Variants in CCDC60 observed in about 807,000 individuals in gnomAD.
CCDC60 encodes coiled-coil domain-containing protein 60.
In CCDC60, 54 loss-of-function variants were observed where a neutral mutation model predicts 63.5. The observed-to-expected ratio is 0.85, with a 90% CI of 0.68 to 1.07. CCDC60 has a LOEUF of 1.07. Among genes scored for constraint, CCDC60 ranks in the 50% least tolerant of loss-of-function variants. The pLI, the probability that CCDC60 is intolerant of heterozygous loss-of-function variation, is 0.00. For missense variants in CCDC60, 651 were observed against 684.3 expected (o/e 0.95, Z 0.54); for synonymous variants, 206 against 238.8 (o/e 0.86, Z 1.27).
chr12:119,511,138 C>T (rs944041641), intron 7 of CCDC60, among the ~76,000 whole-genome samples: 2 of 152,126 alleles, frequency 1.3e-5, no homozygotes, highest in Admixed American at 6.5e-5. Flanking sequence ...CTACTTTAGC[C>T]TCCCAAACCT....
At chr12:119,528,783 A>G in intron 12 of CCDC60, 37 bp downstream of exon 12, 1 of 1,599,822 alleles carries the variant, frequency 6.3e-7, no homozygotes, top group Non-Finnish European at 8.5e-7. Flanking sequence ...TGGTCCCTGG[A>G]AGAGAACAGG....
chr12:119,483,243 C>T (rs1179246462), intron 4 of CCDC60, among the ~76,000 whole-genome samples: 1 of 152,214 alleles, frequency 6.6e-6, no homozygotes, highest in Non-Finnish European at 1.5e-5. Flanking sequence ...ATCAGTCTAC[C>T]AAAAGGCACC....
chr12:119,409,326 G>C (rs1319464085), intron 1 of CCDC60, among the ~76,000 whole-genome samples: 1 of 152,104 alleles, frequency 6.6e-6, no homozygotes, highest in Non-Finnish European at 1.5e-5. Context: ...AAGAAGGACT[G>C]TCCTGTATAT....
At chr12:119,416,629 T>C (rs1956703882) in intron 1 of CCDC60, among the ~76,000 whole-genome samples, 1 of 151,706 alleles carries the variant, frequency 6.6e-6, no homozygotes, top group Admixed American at 6.6e-5. Context: ...GCTCAATAGA[T>C]TTTTTTTTAC....
At chr12:119,335,637 G>A (rs1955463231) in intron 1 of CCDC60, among the ~76,000 whole-genome samples, 1 of 151,626 alleles carries the variant, frequency 6.6e-6, no homozygotes, top group African/African-American at 2.4e-5. Flanking sequence ...CCCACTTTTT[G>A]ATGGGGTTGT....
intron 8 of CCDC60, 67 bp downstream of exon 8, chr12:119,516,774 T>G (rs1052125764): frequency 1.9e-6 from 2 of 1,042,936 alleles, no homozygotes; most frequent in East Asian, 4.9e-5. Context: ...ACAGTAGTAG[T>G]TGCCAACTGT....
intron 2 of CCDC60, among the ~76,000 whole-genome samples, chr12:119,471,457 A>G (rs1467644734): frequency 1.3e-5 from 2 of 152,114 alleles, no homozygotes; most frequent in African/African-American, 2.4e-5. Flanking sequence ...ACCCCTTCCC[A>G]TGCATGATGG....
intron 11 of CCDC60, chr12:119,524,556 A>G: frequency 1.9e-6 from 1 of 525,554 alleles, no homozygotes; most frequent in Non-Finnish European, 2.4e-6. Flanking sequence ...CTGGGAGCTA[A>G]CAGTCCAGTA....
chr12:119,358,027 G>A (rs1417606149), intron 1 of CCDC60, among the ~76,000 whole-genome samples: 2 of 152,018 alleles, frequency 1.3e-5, no homozygotes, highest in Non-Finnish European at 2.9e-5. Context: ...GGCAAGGCGA[G>A]CTACACACTT....
intron 1 of CCDC60, among the ~76,000 whole-genome samples, chr12:119,396,810 G>T (rs1379901283): frequency 6.6e-6 from 1 of 152,242 alleles, no homozygotes; most frequent in African/African-American, 2.4e-5. Context: ...GAGCCCAGCA[G>T]CTCCAGGCTG....
chr12:119,340,373 T>C (rs1365253059), intron 1 of CCDC60, among the ~76,000 whole-genome samples: 2 of 152,104 alleles, frequency 1.3e-5, no homozygotes, highest in African/African-American at 4.8e-5. Flanking sequence ...AGAGGTATTG[T>C]TAATAAGCTT....
chr12:119,501,248 C>G (rs1372723084), intron 6 of CCDC60, among the ~76,000 whole-genome samples: 1 of 152,164 alleles, frequency 6.6e-6, no homozygotes, highest in Non-Finnish European at 1.5e-5. Context: ...ATTTTAGAGG[C>G]CACTGTTCAA....
intron 11 of CCDC60, 72 bp downstream of exon 11, chr12:119,523,890 A>G: frequency 6.7e-7 from 1 of 1,501,728 alleles, no homozygotes; most frequent in Non-Finnish European, 9.1e-7. Context: ...GCCAGGTGCC[A>G]GGTGCTGGGG....
Position 119,507,589 on chromosome 12 carries a change from TACATATATATATATATATATATATA to T in CCDC60, c.883+2287_883+2311del, listed in dbSNP as rs1566050576. Among the ~76,000 whole-genome samples, 190 of 41,708 alleles carry T rather than the reference TACATATATATATATATATATATATA, an allele frequency of 4.6e-3. 5 individuals are homozygous for T. Among genetic ancestry groups the T allele is most frequent in the African/African-American group, 0.022 (133 of 5,968 alleles). The allele number at this position is 41,708 out of a possible 152,430, so 27.4% of individuals were successfully genotyped here. A position where few individuals can be genotyped will look rare whatever the true frequency, so the allele number is the denominator to read the frequency against. ...ATATATGTATATATACACATATATATACATATATATATATATATATATATATTTTTTTTTTTTTTTTCTAGAAACA... is the reference window on the plus strand; with the variant it reads ...ATATATGTATATATACACATATATATTTTTTTTTTTTTTTTTCTAGAAACA... On this transcript the variant is annotated intron_variant, in intron 7 of 13. Transcript: ENST00000327554.
chr12:119,510,445 A>G (rs1952184126), intron 7 of CCDC60, among the ~76,000 whole-genome samples: 2 of 152,148 alleles, frequency 1.3e-5, no homozygotes, highest in Non-Finnish European at 2.9e-5. Flanking sequence ...CTCCTCTGTG[A>G]AGCCTTCTCT....
chr12:119,451,064 A>G (rs1203815454), intron 2 of CCDC60, among the ~76,000 whole-genome samples: 1 of 152,142 alleles, frequency 6.6e-6, no homozygotes, highest in African/African-American at 2.4e-5. Context: ...CGAACAAGGC[A>G]AACTGAATTG....
chr12:119,334,897 G>A lies in CCDC60; in HGVS notation c.-280G>A, dbSNP rs1955454712. On this transcript the variant is annotated 5_prime_UTR_variant, in exon 1 of 14. Coordinates refer to ENST00000327554, the MANE Select transcript of CCDC60 (RefSeq NM_178499.5). ...TATAGAAGAGAAAGATATCCCTTCC[G>A]AAGAGGAGGAAGCTTACAGAAGTTT... 3.2e-6 allele frequency: 1 copy of A among 314,878 alleles called. No homozygotes were observed. The highest frequency in any genetic ancestry group is 5.0e-5 in the East Asian group (1 of 19,818). 19.5% of individuals were successfully genotyped at this position (314,878 alleles called of 1,614,324 possible).
intron 2 of CCDC60, among the ~76,000 whole-genome samples, chr12:119,466,151 G>A (rs1372976180): frequency 6.6e-6 from 1 of 152,114 alleles, no homozygotes; most frequent in East Asian, 1.9e-4. Context: ...CCTTCTGAGT[G>A]AGGGTTTCAC....
intron 5 of CCDC60, among the ~76,000 whole-genome samples, chr12:119,491,979 G>A (rs532197109): frequency 9.8e-5 from 15 of 152,316 alleles, no homozygotes; most frequent in Admixed American, 7.8e-4. Flanking sequence ...GCAGTAAAAA[G>A]ACGTAGTGGT....
Sources: allele counts gnomAD v4.1 joint callset (sites outside exome capture counted in the v4.1 genomes callset), GRCh38; gene constraint gnomAD v4.1.1; transcripts MANE v1.5; gene names NCBI Gene and HGNC (gene_info 2026-07-23, HGNC 2026-07-21).